The following ALG6 variants were observed in gnomAD, a reference collection of about 807,000 sequenced individuals.
The protein encoded by ALG6 is ALG6 alpha-1,3-glucosyltransferase.
Under a neutral mutation model 66.6 loss-of-function variants are expected in ALG6, and 46 were observed. That is an observed-to-expected ratio of 0.69 (90% CI 0.55 to 0.88). ALG6 has a LOEUF of 0.88. Ranked by LOEUF, ALG6 falls within the 40% of genes least tolerant of loss-of-function variation. The pLI is 0.00. For synonymous variants in ALG6, 185 were observed against 203.7 expected, an observed-to-expected ratio of 0.91 and a Z score of 0.78; for missense variants, 505 against 586.8, an observed-to-expected ratio of 0.86 and a Z score of 1.44.
intron 14 of ALG6, among the ~76,000 whole-genome samples, chr1:63,430,909 A>G (rs1194951752): frequency 1.3e-5 from 2 of 151,810 alleles, no homozygotes; most frequent in Admixed American, 6.6e-5. Flanking sequence ...CAGTATATCT[A>G]TTTTTTTCTT....
At chr1:63,435,408 C>G (rs914018782) in intron 14 of ALG6, among the ~76,000 whole-genome samples, 1 of 152,124 alleles carries the variant, frequency 6.6e-6, no homozygotes, top group African/African-American at 2.4e-5. Flanking sequence ...TTGTTTGTAT[C>G]TGCTTGTAAG....
chr1:63,383,793 T>C (rs959777234), intron 2 of ALG6, among the ~76,000 whole-genome samples: 2 of 152,198 alleles, frequency 1.3e-5, no homozygotes, highest in African/African-American at 4.8e-5. Context: ...AATTATATTT[T>C]TGAATCCATT....
intron 3 of ALG6, among the ~76,000 whole-genome samples, chr1:63,400,314 TATATAC>T (rs1644454893): frequency 7.5e-5 from 1 of 13,292 alleles, no homozygotes; most frequent in Non-Finnish European, 1.1e-4. Flanking sequence ...TATGTATATA[TATATAC>T]GTATATATAT....
chr1:63,407,591 AT>A lies in ALG6; in HGVS notation c.494+472del, dbSNP rs1454966350. Among the ~76,000 whole-genome samples the A allele has an allele frequency of 9.2e-5, 14 of 152,108 alleles. No homozygotes were observed. In the East Asian group the frequency reaches 2.1e-3, roughly 23 times the overall value. On this transcript the variant is annotated intron_variant, in intron 7 of 14. Transcript: ENST00000263440. ...ATCAAAATATGGCTTTTATATGTGT[AT>A]TTTTTTGATGCCTAAAATAAGGAAC...
At chr1:63,376,989 A>C (rs1338758937) in intron 2 of ALG6, among the ~76,000 whole-genome samples, 1 of 150,562 alleles carries the variant, frequency 6.6e-6, no homozygotes, top group Non-Finnish European at 1.5e-5. Context: ...TTTTTTTGAG[A>C]TGGAATCTCA....
chr1:63,374,702 G>T (rs569092851), intron 2 of ALG6, among the ~76,000 whole-genome samples: 1 of 152,126 alleles, frequency 6.6e-6, no homozygotes, highest in East Asian at 1.9e-4. Context: ...ATAGTGCAGG[G>T]CTATAACTAG....
chr1:63,422,401 C>CTATATAAATATAAATATA (rs1487661811), intron 12 of ALG6, among the ~76,000 whole-genome samples: 9 of 57,406 alleles, frequency 1.6e-4, no homozygotes, highest in Non-Finnish European at 2.5e-4. Flanking sequence ...AAATATATAT[C>CTATATAAATATAAATATA]TATATAAATA....
At chr1:63,408,883 G>A (rs964282714) in intron 7 of ALG6, among the ~76,000 whole-genome samples, 6 of 152,110 alleles carry the variant, frequency 3.9e-5, no homozygotes, top group Non-Finnish European at 5.9e-5. Flanking sequence ...GGGTTCAAAC[G>A]ATACTCCTGC....
chr1:63,421,363 T>C (rs904849632), intron 12 of ALG6, among the ~76,000 whole-genome samples: 14 of 152,122 alleles, frequency 9.2e-5, no homozygotes, highest in African/African-American at 3.1e-4. Flanking sequence ...AATGCTTTTA[T>C]ACTGTTGGTG....
chr1:63,414,504 C>T (rs1284332618), intron 10 of ALG6, among the ~76,000 whole-genome samples: 2 of 152,254 alleles, frequency 1.3e-5, no homozygotes, highest in Non-Finnish European at 2.9e-5. Context: ...CCCACCTCGG[C>T]CTCCCAAAGT....
intron 3 of ALG6, among the ~76,000 whole-genome samples, chr1:63,399,276 G>T (rs1644431376): frequency 6.6e-6 from 1 of 152,180 alleles, no homozygotes; most frequent in African/African-American, 2.4e-5. Context: ...TAGTATATCT[G>T]CTAGCAAGAC....
chr1:63,400,046 T>C (rs550028351), intron 3 of ALG6, among the ~76,000 whole-genome samples: 8 of 149,438 alleles, frequency 5.4e-5, no homozygotes, highest in African/African-American at 1.7e-4. Context: ...AATATGAAAT[T>C]AGCTGGGCGT....
chr1:63,423,360 A>G (rs1032513868), intron 12 of ALG6, among the ~76,000 whole-genome samples: 3 of 152,192 alleles, frequency 2.0e-5, no homozygotes, highest in African/African-American at 4.8e-5. Flanking sequence ...TTAAAATTAT[A>G]TTTTTAAAAT....
chr1:63,395,557 TG>T (rs1416434860), intron 2 of ALG6, among the ~76,000 whole-genome samples: 2 of 152,154 alleles, frequency 1.3e-5, no homozygotes, highest in East Asian at 3.9e-4. Flanking sequence ...TAGGCAGTTA[TG>T]GTGGCACACG....
At chr1:63,421,504 C>T (rs1331013419) in intron 12 of ALG6, among the ~76,000 whole-genome samples, 1 of 152,100 alleles carries the variant, frequency 6.6e-6, no homozygotes, top group Non-Finnish European at 1.5e-5. Context: ...ATCATTTGAC[C>T]TAGCAATCCC....
intron 2 of ALG6, among the ~76,000 whole-genome samples, chr1:63,387,194 GTGGTCTATCGTA>G (rs2100395666): frequency 6.6e-6 from 1 of 152,244 alleles, no homozygotes; most frequent in Admixed American, 6.5e-5. Flanking sequence ...AGACTTGTTT[GTGGTCTATCGTA>G]TGGTCTATCT....
At position 63,400,296 on chromosome 1, in the gene ALG6, CGT is replaced by C. The variant is rs1491174216; in HGVS notation, c.168-1957_168-1956del. On this transcript the variant is annotated intron_variant, in intron 3 of 14. Transcript: ENST00000263440. ...ATATATATATACGTATATATATATACGTATATATATGTATATATATATACGTA... is the reference window on the plus strand; with the variant it reads ...ATATATATATACGTATATATATATACATATATATGTATATATATATACGTA... Among the ~76,000 whole-genome samples the C allele has an allele frequency of 5.8e-3, 38 of 6,566 alleles. 5 individuals carry two copies. In the East Asian group the frequency reaches 0.11, roughly 19 times the overall value. The allele number at this position is 6,566 out of a possible 152,430, so 4.3% of individuals were successfully genotyped here.
rs555486938 is a variant in ALG6, at chr1:63,412,389, AC to A, written c.816+332del. Among the ~76,000 whole-genome samples, 269 of 151,888 alleles carry A rather than the reference AC, an allele frequency of 1.8e-3. 2 individuals are homozygous for A. Among genetic ancestry groups the A allele is most frequent in the African/African-American group, 6.3e-3 (259 of 41,414 alleles). ...TGCTAGTTATTTAATCCATTATATA[AC>A]CCCTAGCTCAGGTGGCATTTTTTAG... On this transcript the variant is annotated intron_variant, in intron 9 of 14. Coordinates refer to ENST00000263440, the MANE Select transcript of ALG6 (RefSeq NM_013339.4).
chr1:63,382,154 ATTTT>A (rs1006083152), intron 2 of ALG6, among the ~76,000 whole-genome samples: 1 of 149,310 alleles, frequency 6.7e-6, no homozygotes, highest in African/African-American at 2.4e-5. Context: ...GTCACATGAG[ATTTT>A]TTTTTTAAAA....
Sources: allele counts gnomAD v4.1 joint callset (sites outside exome capture counted in the v4.1 genomes callset), GRCh38; gene constraint gnomAD v4.1.1; transcripts MANE v1.5; gene names NCBI Gene and HGNC (gene_info 2026-07-23, HGNC 2026-07-21).